The following DNAJC1 variants were observed in gnomAD, a reference collection of about 807,000 sequenced individuals.
DNAJC1 encodes the protein dnaJ homolog subfamily C member 1.
Under a neutral mutation model 76.6 loss-of-function variants are expected in DNAJC1, and 58 were observed. The ratio of observed to expected loss-of-function variants is 0.76; its 90% CI spans 0.61 to 0.94. The LOEUF is 0.94. Among genes scored for constraint, DNAJC1 ranks in the 40% least tolerant of loss-of-function variants. DNAJC1 has a pLI of 0.00. For missense variants in DNAJC1, 689 were observed against 677.3 expected (o/e 1.02, Z -0.19); for synonymous variants, 258 against 267.9 (o/e 0.96, Z 0.36).
At chr10:21,967,428 C>CT (rs1837911642) in intron 1 of DNAJC1, among the ~76,000 whole-genome samples, 1 of 152,160 alleles carries the variant, frequency 6.6e-6, no homozygotes, top group Non-Finnish European at 1.5e-5. Flanking sequence ...TCTTGCACCA[C>CT]AGTGTTCTAG....
chr10:21,763,641 G>C (rs1834265614), intron 10 of DNAJC1, among the ~76,000 whole-genome samples: 1 of 151,250 alleles, frequency 6.6e-6, no homozygotes, highest in South Asian at 2.1e-4. Flanking sequence ...TAAAATTGAG[G>C]ATCTTTAAAT....
chr10:21,945,512 G>A (rs898699038), intron 1 of DNAJC1, among the ~76,000 whole-genome samples: 2 of 152,154 alleles, frequency 1.3e-5, no homozygotes, highest in African/African-American at 2.4e-5. Flanking sequence ...GGTAGAGTAA[G>A]GGACAGAATC....
chr10:21,883,394 G>A (rs77877941), intron 7 of DNAJC1, among the ~76,000 whole-genome samples: 1,940 of 152,098 alleles, frequency 0.013, 38 homozygotes, highest in African/African-American at 0.043. Flanking sequence ...CCATGTGTAC[G>A]TGTGTATGTG....
chr10:21,848,051 A>G (rs1371147950), intron 8 of DNAJC1, among the ~76,000 whole-genome samples: 1 of 152,132 alleles, frequency 6.6e-6, no homozygotes, highest in Non-Finnish European at 1.5e-5. Flanking sequence ...TTTCCATAGC[A>G]GTTATACTCA....
At chr10:21,989,466 AT>A (rs1838296923) in intron 1 of DNAJC1, among the ~76,000 whole-genome samples, 1 of 152,176 alleles carries the variant, frequency 6.6e-6, no homozygotes, top group African/African-American at 2.4e-5. Context: ...CCTGGGCTCC[AT>A]GACTACAAGT....
intron 1 of DNAJC1, among the ~76,000 whole-genome samples, chr10:22,000,838 C>A (rs1258124512): frequency 6.6e-6 from 1 of 152,206 alleles, no homozygotes. Flanking sequence ...TCACCAGACA[C>A]AGAATCTGCC....
Position 21,965,170 on chromosome 10 carries a change from CTT to C in DNAJC1, c.223-36031_223-36030del, listed in dbSNP as rs576896590. On this transcript the variant is annotated intron_variant, in intron 1 of 11. Transcript: ENST00000376980. ...ATCTCAGTCCCTCATGTCTGCATCTCTTTGTTATCTCAAGATAATTCAAGATA... is the reference window on the plus strand; with the variant it reads ...ATCTCAGTCCCTCATGTCTGCATCTCTGTTATCTCAAGATAATTCAAGATA... Among the ~76,000 whole-genome samples, 38 of 152,226 alleles carry C rather than the reference CTT, an allele frequency of 2.5e-4. No homozygotes were observed. The South Asian group carries it at 2.7e-3, about 11-fold the overall frequency.
rs540968616 is a variant in DNAJC1 at position 21,987,954 on chromosome 10, G to A, written c.222+15259C>T. Among the ~76,000 whole-genome samples the A allele has an allele frequency of 1.6e-4, 24 of 151,824 alleles. No homozygotes were observed. The South Asian group carries it at 4.8e-3, about 30-fold the overall frequency. On this transcript the variant is annotated intron_variant, in intron 1 of 11. Transcript: ENST00000376980. Reference sequence around the variant, plus strand: ...AAAATCTGAATACAACTTGATATTTGGCTTTTTTTCACTAACATTGTATGT... The same window carrying A: ...AAAATCTGAATACAACTTGATATTTAGCTTTTTTTCACTAACATTGTATGT...
At chr10:21,929,637 A>G (rs2131780681) in intron 1 of DNAJC1, among the ~76,000 whole-genome samples, 1 of 152,298 alleles carries the variant, frequency 6.6e-6, no homozygotes, top group Non-Finnish European at 1.5e-5. Flanking sequence ...CATGTCAAAA[A>G]GCATGCCTAT....
At chr10:21,928,016 T>C (rs918055691) in intron 3 of DNAJC1, among the ~76,000 whole-genome samples, 16 of 152,210 alleles carry the variant, frequency 1.1e-4, no homozygotes, top group Non-Finnish European at 1.9e-4. Flanking sequence ...TTCTTTCTTC[T>C]ACAGGCTTAC....
At chr10:21,846,895 T>TTTTG (rs1835669125) in intron 8 of DNAJC1, among the ~76,000 whole-genome samples, 1 of 151,902 alleles carries the variant, frequency 6.6e-6, no homozygotes. Context: ...TTTTTTTTTT[T>TTTTG]TAAACTCCGT....
intron 8 of DNAJC1, among the ~76,000 whole-genome samples, chr10:21,880,435 C>G (rs1836255281): frequency 6.6e-6 from 1 of 152,158 alleles, no homozygotes; most frequent in African/African-American, 2.4e-5. Flanking sequence ...ATGGCACCTA[C>G]AGCCTTATAA....
chr10:21,906,104 AATC>A lies in DNAJC1; in HGVS notation c.730-1495_730-1493del, dbSNP rs148049227. Among the ~76,000 whole-genome samples the A allele has an allele frequency of 3.7e-3, 561 of 152,266 alleles. 4 individuals are homozygous for A. Among genetic ancestry groups the A allele is most frequent in the African/African-American group, 0.013 (531 of 41,550 alleles). ...CCTAATAAGAATTTGGTATTCCTAA[AATC>A]ATTGAATCAATACAATACAGATGTA... On this transcript the variant is annotated intron_variant, in intron 6 of 11. Transcript: ENST00000376980.
At chr10:21,825,079 CT>C (rs1208281980) in intron 8 of DNAJC1, among the ~76,000 whole-genome samples, 1 of 152,084 alleles carries the variant, frequency 6.6e-6, no homozygotes, top group Non-Finnish European at 1.5e-5. Context: ...GCCCGGCCAA[CT>C]ATTTTAAAGT....
chr10:21,837,877 G>A (rs1257632761), intron 8 of DNAJC1, among the ~76,000 whole-genome samples: 3 of 147,718 alleles, frequency 2.0e-5, no homozygotes, highest in Non-Finnish European at 3.0e-5. Flanking sequence ...GAGGTGGGGG[G>A]CAGCCCCCGC....
chr10:21,840,332 T>C (rs539030315), intron 8 of DNAJC1, among the ~76,000 whole-genome samples: 2 of 152,358 alleles, frequency 1.3e-5, no homozygotes, highest in Admixed American at 6.5e-5. Flanking sequence ...GCAGACGACA[T>C]GATTGTATAT....
At chr10:21,991,483 T>C (rs1838325974) in intron 1 of DNAJC1, among the ~76,000 whole-genome samples, 1 of 152,110 alleles carries the variant, frequency 6.6e-6, no homozygotes, top group African/African-American at 2.4e-5. Context: ...ATGTATACTA[T>C]AGATAAGTAA....
chr10:21,897,616 A>G (rs996712855), intron 7 of DNAJC1, among the ~76,000 whole-genome samples: 3 of 152,184 alleles, frequency 2.0e-5, no homozygotes, highest in African/African-American at 7.2e-5. Context: ...CACAATCTTT[A>G]TAAGAATCTA....
intron 9 of DNAJC1, among the ~76,000 whole-genome samples, chr10:21,778,451 A>G (rs1030936665): frequency 6.6e-6 from 1 of 152,222 alleles, no homozygotes; most frequent in Non-Finnish European, 1.5e-5. Flanking sequence ...AAGATTTATT[A>G]AGTATTGACT....
Sources: allele counts gnomAD v4.1 joint callset (sites outside exome capture counted in the v4.1 genomes callset), GRCh38; gene constraint gnomAD v4.1.1; transcripts MANE v1.5; gene names NCBI Gene and HGNC (gene_info 2026-07-23, HGNC 2026-07-21).